The following TENM2 variants were observed in gnomAD, a reference collection of about 807,000 sequenced individuals.
TENM2 encodes the protein teneurin-2.
In TENM2, 52 loss-of-function variants were observed where a neutral mutation model predicts 245.2. The ratio of observed to expected loss-of-function variants is 0.21; its 90% CI spans 0.17 to 0.27. The LOEUF (loss-of-function observed/expected upper bound fraction) is 0.27. Among genes scored for constraint, TENM2 ranks in the 10% least tolerant of loss-of-function variants. TENM2 has a pLI of 1.00. For synonymous variants in TENM2, 1,363 were observed against 1,438.9 expected (o/e 0.95, Z 1.19); for missense variants, 3,046 against 3,666.8 (o/e 0.83, Z 4.37).
At chr5:168,002,489 G>T (rs1160536673) in intron 5 of TENM2, among the ~76,000 whole-genome samples, 1 of 152,190 alleles carries the variant, frequency 6.6e-6, no homozygotes, top group Non-Finnish European at 1.5e-5. Context: ...CTGTTCTTCA[G>T]GCCGTGATAA....
chr5:167,968,800 G>C (rs533267036), intron 4 of TENM2, among the ~76,000 whole-genome samples: 1 of 152,192 alleles, frequency 6.6e-6, no homozygotes, highest in Admixed American at 6.5e-5. Flanking sequence ...GAAGCATTTG[G>C]TGGGACTCTA....
chr5:167,115,540 C>G, the TENM2 span, among the ~76,000 whole-genome samples: 1 of 152,110 alleles, frequency 6.6e-6, no homozygotes, highest in Non-Finnish European at 1.5e-5. Context: ...GAATAAAAAA[C>G]TAATTCAGTT....
intron 2 of TENM2, among the ~76,000 whole-genome samples, chr5:167,710,275 C>G (rs1436815645): frequency 1.3e-5 from 2 of 152,124 alleles, no homozygotes; most frequent in African/African-American, 4.8e-5. Context: ...TCAGTGAATA[C>G]ATACTATTTG....
the TENM2 span, among the ~76,000 whole-genome samples, chr5:167,062,525 TGAAA>T: frequency 3.9e-5 from 6 of 151,992 alleles, no homozygotes; most frequent in Admixed American, 6.6e-5. Flanking sequence ...CTGTGTCTGG[TGAAA>T]GAAAGAATCA....
chr5:167,346,797 A>T (rs545362553), intron 1 of TENM2, among the ~76,000 whole-genome samples: 15 of 151,834 alleles, frequency 9.9e-5, no homozygotes, highest in South Asian at 6.3e-4. Context: ...CTTGAGACAG[A>T]GTCTCACACT....
At chr5:167,482,208 G>A (rs988067407) in intron 2 of TENM2, among the ~76,000 whole-genome samples, 19 of 152,150 alleles carry the variant, frequency 1.2e-4, no homozygotes, top group Non-Finnish European at 2.5e-4. Flanking sequence ...TAACATGTTA[G>A]TGTATTTTCT....
intron 1 of TENM2, among the ~76,000 whole-genome samples, chr5:167,336,147 T>A (rs181811975): frequency 2.9e-4 from 44 of 150,882 alleles, no homozygotes; most frequent in Admixed American, 2.9e-3. Context: ...ATTCATCCAT[T>A]GGCTCATCCA....
intron 2 of TENM2, among the ~76,000 whole-genome samples, chr5:167,487,438 T>C (rs906640281): frequency 6.6e-6 from 1 of 152,118 alleles, no homozygotes; most frequent in Non-Finnish European, 1.5e-5. Context: ...TATGTATGTT[T>C]GTATTTATGT....
chr5:167,254,746 TC>T, the TENM2 span, among the ~76,000 whole-genome samples: 69 of 152,198 alleles, frequency 4.5e-4, no homozygotes, highest in African/African-American at 1.6e-3. Context: ...GATAAGGAGA[TC>T]AGGGAAGGTC....
intron 1 of TENM2, among the ~76,000 whole-genome samples, chr5:167,345,726 T>C (rs1284055830): frequency 6.6e-6 from 1 of 152,114 alleles, no homozygotes; most frequent in Non-Finnish European, 1.5e-5. Flanking sequence ...AAACTATATT[T>C]GGACAAACCA....
chr5:167,093,870 A>C, the TENM2 span, among the ~76,000 whole-genome samples: 1 of 152,224 alleles, frequency 6.6e-6, no homozygotes, highest in African/African-American at 2.4e-5. Context: ...ACTAACCCAT[A>C]GCCATCAAAA....
chr5:168,209,566 A>G (rs1762629675), intron 19 of TENM2, among the ~76,000 whole-genome samples: 1 of 152,200 alleles, frequency 6.6e-6, no homozygotes, highest in Non-Finnish European at 1.5e-5. Flanking sequence ...ACAACAAAAC[A>G]ACCCTGTGGC....
At chr5:167,553,062 T>C (rs1773059711) in intron 2 of TENM2, among the ~76,000 whole-genome samples, 1 of 152,196 alleles carries the variant, frequency 6.6e-6, no homozygotes, top group Non-Finnish European at 1.5e-5. Context: ...GGAAAATGCT[T>C]TGATAGACAG....
chr5:167,851,209 G>A (rs1170605962), intron 2 of TENM2, among the ~76,000 whole-genome samples: 1 of 152,086 alleles, frequency 6.6e-6, no homozygotes, highest in African/African-American at 2.4e-5. Context: ...TGGCAGAGGG[G>A]ATAAACTGTG....
the TENM2 span, among the ~76,000 whole-genome samples, chr5:167,167,005 A>G: frequency 6.6e-6 from 1 of 152,164 alleles, no homozygotes; most frequent in African/African-American, 2.4e-5. Flanking sequence ...GGCAAGACCA[A>G]ACCTTCCTTC....
intron 3 of TENM2, among the ~76,000 whole-genome samples, chr5:167,907,248 T>TAAATAAAG (rs1240924624): frequency 1.3e-5 from 2 of 150,958 alleles, no homozygotes; most frequent in African/African-American, 4.9e-5. Flanking sequence ...AATAAATAAA[T>TAAATAAAG]AAATAAATAA....
chr5:167,414,650 C>A (rs1763074698), intron 2 of TENM2, among the ~76,000 whole-genome samples: 1 of 152,042 alleles, frequency 6.6e-6, no homozygotes, highest in Non-Finnish European at 1.5e-5. Context: ...ATCTTGGGAT[C>A]TGCAATAAAA....
At chr5:167,663,180 G>GAGAGAGAGAGAA (rs1755347241) in intron 2 of TENM2, among the ~76,000 whole-genome samples, 3 of 139,102 alleles carry the variant, frequency 2.2e-5, no homozygotes, top group Non-Finnish European at 3.1e-5. Context: ...GAGAGAGAGA[G>GAGAGAGAGAGAA]AGAGAGAAAG....
intron 2 of TENM2, among the ~76,000 whole-genome samples, chr5:167,857,950 A>AT (rs1034784527): frequency 2.6e-5 from 4 of 152,088 alleles, no homozygotes; most frequent in Non-Finnish European, 4.4e-5. Flanking sequence ...TCTGAATTAC[A>AT]TTTTTTTCAT....
Sources: allele counts gnomAD v4.1 joint callset (sites outside exome capture counted in the v4.1 genomes callset), GRCh38; gene constraint gnomAD v4.1.1; transcripts MANE v1.5; gene names NCBI Gene and HGNC (gene_info 2026-07-23, HGNC 2026-07-21).